PRP4K: variants seen among roughly 807,000 people sequenced by gnomAD.
The protein encoded by PRP4K is pre-mRNA processing factor kinase PRP4K.
the PRP4K span, among the ~76,000 whole-genome samples, chr6:4,039,221 C>T: frequency 6.6e-5 from 10 of 152,146 alleles, no homozygotes; most frequent in African/African-American, 2.2e-4. Flanking sequence ...TGGGATTTTT[C>T]TTCTATTGTG....
the PRP4K span, chr6:4,037,659 G>C: frequency 7.8e-7 from 1 of 1,274,438 alleles, no homozygotes; most frequent in African/African-American, 1.5e-5. Context: ...TTTTAGACCA[G>C]TTTTCTCTGA....
chr6:4,058,949 A>G, the PRP4K span: 3 of 617,634 alleles, frequency 4.9e-6, no homozygotes, highest in Admixed American at 6.7e-5. Flanking sequence ...CAATTCCTAA[A>G]TAAAACACAT....
chr6:4,035,221 A>G, the PRP4K span, among the ~76,000 whole-genome samples: 35 of 147,372 alleles, frequency 2.4e-4, 1 homozygote, highest in African/African-American at 8.1e-4. Flanking sequence ...GGTTCAAGCA[A>G]TTCTCCTGCC....
chr6:4,056,218 T>G, the PRP4K span: 4 of 730,942 alleles, frequency 5.5e-6, no homozygotes, highest in East Asian at 1.1e-4. Flanking sequence ...GTCTTTGTTC[T>G]CAGTATTGGA....
chr6:4,040,810 G>C, the PRP4K span: 1 of 1,613,912 alleles, frequency 6.2e-7, no homozygotes, highest in Non-Finnish European at 8.5e-7. Context: ...TTGCGAAGGC[G>C]GTCTCGATCA....
At chr6:4,024,047 A>G in the PRP4K span, among the ~76,000 whole-genome samples, 1 of 152,000 alleles carries the variant, frequency 6.6e-6, no homozygotes, top group Non-Finnish European at 1.5e-5. Flanking sequence ...TTGTATTTTT[A>G]GTAGAGATGG....
chr6:4,022,154 A>ATTTTTTTTTT, the PRP4K span, among the ~76,000 whole-genome samples: 30 of 92,052 alleles, frequency 3.3e-4, 1 homozygote, highest in African/African-American at 1.1e-3. Flanking sequence ...GAGGCCTGGC[A>ATTTTTTTTTT]TTTTTTTTTT....
At chr6:4,043,367 C>T in the PRP4K span, among the ~76,000 whole-genome samples, 1 of 152,198 alleles carries the variant, frequency 6.6e-6, no homozygotes, top group East Asian at 1.9e-4. Context: ...GGTCCACAAC[C>T]CCTTACCTCC....
chr6:4,044,120 A>G, the PRP4K span: 16 of 1,081,580 alleles, frequency 1.5e-5, no homozygotes, highest in Non-Finnish European at 2.2e-5. Flanking sequence ...AGGAAAAGTA[A>G]AAGATTAGAC....
the PRP4K span, chr6:4,052,568 T>C: frequency 3.3e-6 from 2 of 608,530 alleles, no homozygotes; most frequent in South Asian, 4.7e-5. Context: ...CCTTTCAATA[T>C]AAAATGATTT....
chr6:4,021,882 C>T, the PRP4K span, among the ~76,000 whole-genome samples: 1 of 152,202 alleles, frequency 6.6e-6, no homozygotes, highest in South Asian at 2.1e-4. Flanking sequence ...AGCCCTAAGT[C>T]TTTTCTTCCT....
the PRP4K span, chr6:4,048,969 A>G: frequency 2.1e-6 from 3 of 1,399,774 alleles, no homozygotes; most frequent in East Asian, 7.0e-5. Context: ...AGTGCGTTAA[A>G]TGTCTGACAA....
chr6:4,040,708 C>T, the PRP4K span: 2 of 1,508,306 alleles, frequency 1.3e-6, no homozygotes, highest in East Asian at 2.3e-5. Flanking sequence ...TGTGCCCACA[C>T]ATGCATGCCT....
chr6:4,060,388 T>TA, the PRP4K span: 2 of 1,595,224 alleles, frequency 1.3e-6, no homozygotes, highest in South Asian at 1.1e-5. This position sits in a 1 kb window ranked among gnomAD's most constrained non-coding sequence, Gnocchi z 4.7. Context: ...TATTTAGAGA[T>TA]ACGCATTTTA....
the PRP4K span, chr6:4,060,834 C>T: frequency 5.5e-6 from 3 of 547,142 alleles, no homozygotes; most frequent in Non-Finnish European, 9.7e-6. This position sits in a 1 kb window ranked among gnomAD's most constrained non-coding sequence, Gnocchi z 4.7. Flanking sequence ...TTTAAATTGC[C>T]AAGACTGCAC....
At chr6:4,058,610 TCAAA>T in the PRP4K span, 1 of 786,748 alleles carries the variant, frequency 1.3e-6, no homozygotes, top group Non-Finnish European at 2.1e-6. Context: ...GAATCTGAGA[TCAAA>T]CAAACCTACA....
chr6:4,030,070 G>A, the PRP4K span, among the ~76,000 whole-genome samples: 2 of 152,010 alleles, frequency 1.3e-5, no homozygotes, highest in African/African-American at 4.8e-5. Context: ...AGCCTCCCGA[G>A]TAACTGGGAT....
the PRP4K span, chr6:4,062,497 A>G: frequency 6.6e-6 from 1 of 152,626 alleles, no homozygotes; most frequent in East Asian, 1.9e-4. This position sits in a 1 kb window ranked among gnomAD's most constrained non-coding sequence, Gnocchi z 4.2. Flanking sequence ...GAAAATAATC[A>G]GATTTTAGGG....
the PRP4K span, chr6:4,021,501 G>A: frequency 1.3e-6 from 2 of 1,566,816 alleles, no homozygotes; most frequent in Non-Finnish European, 1.7e-6. Context: ...AGAAGCTGGA[G>A]CCCGGGGACT....
Sources: allele counts gnomAD v4.1 joint callset (sites outside exome capture counted in the v4.1 genomes callset), GRCh38; gene constraint gnomAD v4.1.1; non-coding constraint Gnocchi (gnomAD v3.1); transcripts MANE v1.5; gene names NCBI Gene and HGNC (gene_info 2026-07-23, HGNC 2026-07-21).